FLYWCH1: variants seen among roughly 807,000 people sequenced by gnomAD.
FLYWCH1 encodes the protein FLYWCH-type zinc finger-containing protein 1.
FLYWCH1 carries 75 observed loss-of-function variants against 66.4 expected under a neutral mutation model. That is an observed-to-expected ratio of 1.13 (90% CI 0.94 to 1.37). The LOEUF (loss-of-function observed/expected upper bound fraction) is 1.37. FLYWCH1 is among the 40% of genes most tolerant of loss of function. FLYWCH1 has a pLI of 0.00. For synonymous variants in FLYWCH1, 595 were observed against 429.9 expected, an observed-to-expected ratio of 1.38 and a Z score of -4.75; for missense variants, 1,334 against 1,001.8, an observed-to-expected ratio of 1.33 and a Z score of -4.48.
chr16:2,936,464 C>T (rs1259524878), intron 6 of FLYWCH1: 1 of 443,832 alleles, frequency 2.3e-6, no homozygotes, highest in Non-Finnish European at 4.5e-6. Context: ...CCCCCGCTGG[C>T]CTCTCCTCTA....
Position 2,937,317 on chromosome 16 carries a change from C to A in FLYWCH1, c.1710C>A (p.Asp570Glu). 2 of 1,601,718 alleles carry A rather than the reference C, an allele frequency of 1.2e-6. No homozygotes were observed. Among genetic ancestry groups the A allele is most frequent in the Non-Finnish European group, 1.7e-6 (2 of 1,174,304 alleles). ...TGCGCAGGCACTGCCACCCACCGGA[C>A]CTGGGCGGCCTGGAGGCCCTGCGGC... is the stretch of plus-strand genomic sequence containing the variant. ...MVMRRHCHPP[D>E]LGGLEALRQR... Residue 570 changes from aspartate (D) to glutamate (E), a missense_variant, in exon 7 of 10, where the codon GAC becomes GAA. Transcript: ENST00000253928.
rs776061951 is a variant in FLYWCH1 at position 2,933,893 on chromosome 16, G to T, written c.1427G>T (p.Gly476Val). The change falls in exon 6 of 10, where the codon GGT becomes GTT. Residue 476 changes from glycine to valine, a missense_variant. Coordinates refer to ENST00000253928, the MANE Select transcript of FLYWCH1 (RefSeq NM_001308068.2). Reference protein sequence around the residue: ...TQGRRVTVMRGHCHPPDLGGL... With the variant: ...TQGRRVTVMRVHCHPPDLGGL... ...GGCCGACGGGTGACTGTCATGCGTGGTCACTGCCACCCGCCCGACCTGGGA... is the reference window on the plus strand; with the variant it reads ...GGCCGACGGGTGACTGTCATGCGTGTTCACTGCCACCCGCCCGACCTGGGA... 6.3e-7 allele frequency: 1 copy of T among 1,589,730 alleles called. No homozygotes were observed. The highest frequency in any genetic ancestry group is 1.1e-5 in the South Asian group (1 of 87,952).
chr16:2,916,289 G>A (rs1253846842), intron 2 of FLYWCH1, among the ~76,000 whole-genome samples: 1 of 152,174 alleles, frequency 6.6e-6, no homozygotes, highest in African/African-American at 2.4e-5. Flanking sequence ...GCAGTGAGCT[G>A]AGATCATGCC....
rs747990377 is a variant in FLYWCH1 at position 2,933,422 on chromosome 16, C to G, written c.1089C>G (p.Asp363Glu). ...AGQDGPGSQVDTLLRGVDSLL... is the reference protein window; with the variant it reads ...AGQDGPGSQVETLLRGVDSLL... The stretch of plus-strand genomic sequence containing the variant: ...AGGACGGCCCTGGGAGCCAAGTGGA[C>G]ACGCTGCTCCGAGGCGTGGATAGTT... The change falls in exon 5 of 10, where the codon GAC (aspartate) becomes GAG (glutamate). Residue 363 changes from aspartate (D) to glutamate (E), a missense_variant. Asp to Glu is a conservative substitution (Grantham distance 45). Coordinates refer to ENST00000253928, the MANE Select transcript of FLYWCH1 (RefSeq NM_001308068.2). 12 of 1,601,092 alleles carry G rather than the reference C, an allele frequency of 7.5e-6. No individual in the cohort carries two copies. The highest frequency in any genetic ancestry group is 1.0e-5 in the Non-Finnish European group (12 of 1,174,598).
At chr16:2,912,685 C>T (rs566271984) in intron 1 of FLYWCH1, among the ~76,000 whole-genome samples, 54 of 152,276 alleles carry the variant, frequency 3.5e-4, no homozygotes, top group African/African-American at 1.2e-3. Context: ...GCTCACATGA[C>T]GCAGCTGGAT....
intron 7 of FLYWCH1, among the ~76,000 whole-genome samples, chr16:2,937,931 G>A (rs1314380312): frequency 2.0e-5 from 3 of 152,126 alleles, no homozygotes; most frequent in African/African-American, 7.2e-5. Flanking sequence ...GGTTGGGAGA[G>A]TCCTTCAGGA....
At position 2,928,378 on chromosome 16, in the gene FLYWCH1, G is replaced by T. The variant is rs536133745; in HGVS notation, c.-73-1235G>T. On this transcript the variant is annotated intron_variant, in intron 2 of 9. Transcript: ENST00000253928. ...AGGCCATATCTCAGGCTGTCTCAGT[G>T]GGGGGAAACCTTGGACAATACCTAG... Among the ~76,000 whole-genome samples, 6 of 152,284 alleles carry T rather than the reference G, an allele frequency of 3.9e-5. No individual in the cohort carries two copies. The East Asian group carries it at 9.6e-4, about 24-fold the overall frequency.
At chr16:2,915,882 G>A (rs2070152387) in intron 2 of FLYWCH1, among the ~76,000 whole-genome samples, 1 of 152,072 alleles carries the variant, frequency 6.6e-6, no homozygotes, top group African/African-American at 2.4e-5. Context: ...TGCAAATGGA[G>A]GCAAAACTGG....
intron 3 of FLYWCH1, 96 bp from the exon 4 acceptor site, chr16:2,930,314 G>T: frequency 1.3e-6 from 1 of 752,942 alleles, no homozygotes; most frequent in Non-Finnish European, 2.1e-6. Flanking sequence ...GAAGGCACCT[G>T]CCATACTCAG....
At chr16:2,936,848 C>A in intron 6 of FLYWCH1, 1 of 628,946 alleles carries the variant, frequency 1.6e-6, no homozygotes. Context: ...AGTGACGCAG[C>A]AGACACTGCC....
chr16:2,934,693 T>A (rs1429573017), intron 6 of FLYWCH1: 1 of 455,840 alleles, frequency 2.2e-6, no homozygotes, highest in East Asian at 7.0e-5. Context: ...GCCCTAAAGT[T>A]CTCTCGGACT....
At position 2,947,364 on chromosome 16, in the gene FLYWCH1, T is replaced by C. The variant is rs193055495; in HGVS notation, c.2112-1324T>C. Among the ~76,000 whole-genome samples, 168 of 151,954 alleles carry C rather than the reference T, an allele frequency of 1.1e-3. 1 individual carries two copies. The highest frequency in any genetic ancestry group is 3.7e-3 in the African/African-American group (155 of 41,424). On this transcript the variant is annotated intron_variant, in intron 9 of 9. Coordinates refer to ENST00000253928, the MANE Select transcript of FLYWCH1 (RefSeq NM_001308068.2). ...ATTTGGGGTTTCTTTTGGTGGGAGGTGAAATGTTCTAAATGTGATTGCAGT... is the reference window on the plus strand; with the variant it reads ...ATTTGGGGTTTCTTTTGGTGGGAGGCGAAATGTTCTAAATGTGATTGCAGT...
chr16:2,916,251 A>G (rs2070163505), intron 2 of FLYWCH1, among the ~76,000 whole-genome samples: 3 of 152,184 alleles, frequency 2.0e-5, no homozygotes, highest in Non-Finnish European at 4.4e-5. Context: ...AAGCTGAGTC[A>G]GGATAATTAA....
At chr16:2,932,000 C>T (rs931932341) in intron 4 of FLYWCH1, among the ~76,000 whole-genome samples, 1 of 151,974 alleles carries the variant, frequency 6.6e-6, no homozygotes, top group African/African-American at 2.4e-5. Flanking sequence ...CGCCTGTAGT[C>T]CCAGCTACTC....
chr16:2,925,524 A>T (rs2070528542), intron 2 of FLYWCH1, among the ~76,000 whole-genome samples: 1 of 130,428 alleles, frequency 7.7e-6, no homozygotes, highest in East Asian at 2.7e-4. Context: ...GGCTGCCGGT[A>T]GAAGGACTTG....
chr16:2,922,017 C>T (rs113838697), intron 2 of FLYWCH1, among the ~76,000 whole-genome samples: 1 of 152,114 alleles, frequency 6.6e-6, no homozygotes, highest in East Asian at 1.9e-4. Flanking sequence ...GAACTGAGAT[C>T]GTGCCACTGC....
chr16:2,933,549 C>G lies in FLYWCH1; in HGVS notation c.1216C>G (p.Pro406Ala). The G allele has an allele frequency of 1.9e-6, 3 of 1,606,010 alleles. No homozygotes were observed. Among genetic ancestry groups the G allele is most frequent in the Non-Finnish European group, 2.6e-6 (3 of 1,176,006 alleles). ...GGAGCTGCCAACCCAGCCCGAGGCC[C>G]CAGACGAGCACCAGGACATGGACGC... ...DQELPTQPEA[P>A]DEHQDMDADP... is the part of the protein sequence containing the mutation. Residue 406 changes from proline (P) to alanine (A), a missense_variant, in exon 5 of 10, where the codon CCA becomes GCA. Transcript: ENST00000253928.
chr16:2,917,230 A>ATT (rs112053820), intron 2 of FLYWCH1, among the ~76,000 whole-genome samples: 1 of 131,682 alleles, frequency 7.6e-6, no homozygotes, highest in African/African-American at 2.8e-5. Context: ...CTTGTTAATA[A>ATT]TTTTTTTTTT....
chr16:2,915,707 G>A (rs2150880254), intron 2 of FLYWCH1, among the ~76,000 whole-genome samples: 1 of 151,314 alleles, frequency 6.6e-6, no homozygotes, highest in African/African-American at 2.4e-5. Context: ...AGAGGCACCA[G>A]AATGGCTTGA....
Sources: allele counts gnomAD v4.1 joint callset (sites outside exome capture counted in the v4.1 genomes callset), GRCh38; gene constraint gnomAD v4.1.1; transcripts MANE v1.5; gene names NCBI Gene and HGNC (gene_info 2026-07-23, HGNC 2026-07-21).